Variants in DET1 observed in about 807,000 individuals in gnomAD.
DET1 encodes DET1 homolog.
A neutral mutation model predicts 43.7 loss-of-function variants in DET1; 22 were observed. That is an observed-to-expected ratio of 0.50 (90% confidence interval 0.36 to 0.72). The LOEUF (loss-of-function observed/expected upper bound fraction) is 0.72. Among genes scored for constraint, DET1 ranks in the 30% least tolerant of loss-of-function variants. The pLI is 0.00. For synonymous variants in DET1, 315 were observed against 266.2 expected (o/e 1.18, Z -1.79); for missense variants, 713 against 713.3 (o/e 1.00, Z 0.00).
chr15:88,513,514 T>C (rs1017889764), intron 4 of DET1, among the ~76,000 whole-genome samples: 12 of 151,898 alleles, frequency 7.9e-5, no homozygotes, highest in Non-Finnish European at 1.5e-4. Context: ...CAGGTAGCCA[T>C]ATTAAAAAAA....
At chr15:88,522,375 C>A (rs1223346563) in intron 3 of DET1, among the ~76,000 whole-genome samples, 1 of 151,910 alleles carries the variant, frequency 6.6e-6, no homozygotes, top group Non-Finnish European at 1.5e-5. Context: ...TAGGCAGGTA[C>A]TCTATTTTTT....
In DET1 at chr15:88,541,607, T is replaced by G. The variant is rs370151171; in HGVS notation, c.-11+4933A>C. The stretch of plus-strand genomic sequence containing the variant: ...AAGTAGAATGGCCAAGGTTTGGAGT[T>G]GGGTGGCCCTCTAAAGGATCATTGA... On this transcript the variant is annotated intron_variant, in intron 1 of 4. Transcript: ENST00000268148. 7.0e-4 allele frequency among the ~76,000 whole-genome samples: 106 copies of G among 152,310 alleles called. No homozygotes were observed. In the South Asian group the frequency reaches 0.02, roughly 29 times the overall value.
At chr15:88,524,090 C>T (rs879108387) in intron 3 of DET1, among the ~76,000 whole-genome samples, 5 of 151,572 alleles carry the variant, frequency 3.3e-5, no homozygotes, top group Admixed American at 6.6e-5. Context: ...TCTGCCCCGC[C>T]GCCCCATCTG....
Position 88,530,683 on chromosome 15 carries a change from G to A in DET1, c.1023C>T (p.His341=), listed in dbSNP as rs140822241. Residue 341 remains histidine (H), a synonymous_variant, in exon 2 of 5, where the codon CAC becomes CAT. Transcript: ENST00000268148. ...CCTCACTAGTGTACTTGATAAACAG[G>A]TGGTTTTCATCCAGAAGCTGCATTT... ...MWKMQLLDEN[H]LFIKYTSEDV... 264 of 1,613,942 alleles carry A rather than the reference G, an allele frequency of 1.6e-4. No individual in the cohort carries two copies. The African/African-American group carries it at 3.2e-3, about 19-fold the overall frequency.
In DET1 at chr15:88,516,445, G is replaced by T. The variant is rs148629468; in HGVS notation, c.1463+337C>A. Among the ~76,000 whole-genome samples, 934 of 152,252 alleles carry T rather than the reference G, an allele frequency of 6.1e-3. 10 individuals are homozygous for T. The highest frequency in any genetic ancestry group is 0.02 in the South Asian group (97 of 4,820). ...TGGCGGGATAAAATAATTTGTGTTA[G>T]ATACATAATTATAAAGTCTCAATGT... On this transcript the variant is annotated intron_variant, in intron 4 of 4. Transcript: ENST00000268148. This position sits in a 1 kb window ranked among gnomAD's most constrained non-coding sequence, Gnocchi z 4.4.
chr15:88,524,518 A>G lies in DET1; in HGVS notation c.1271+3081T>C, dbSNP rs1391859886. Among the ~76,000 whole-genome samples the G allele has an allele frequency of 1.2e-4, 18 of 152,354 alleles. No individual in the cohort carries two copies. The East Asian group carries it at 3.5e-3, about 29-fold the overall frequency. ...ACGATGGCGGTTTTGTCGAATAGAA[A>G]AGGGGGAAATGTGGGGAAAAGAAAG... On this transcript the variant is annotated intron_variant, in intron 3 of 4. Coordinates refer to ENST00000268148, the MANE Select transcript of DET1 (RefSeq NM_001144074.3).
At chr15:88,530,057 T>C (rs2056770472) in intron 2 of DET1, among the ~76,000 whole-genome samples, 1 of 152,224 alleles carries the variant, frequency 6.6e-6, no homozygotes, top group Admixed American at 6.5e-5. Context: ...CTACAACCTA[T>C]GTCCCAGCAT....
chr15:88,531,877 G>A lies in DET1; in HGVS notation c.-10-162C>T. On this transcript the variant is annotated intron_variant, in intron 1 of 4. Transcript: ENST00000268148. The surrounding 1 kb of genome is among the most constrained non-coding windows in gnomAD (Gnocchi z 6.2). ...ACTTCCCAGATTATACTGAGTAAGT[G>A]GTCCTAACATTTCTAAGTCTAGAAA... The A allele has an allele frequency of 1.5e-6, 1 of 673,958 alleles. No homozygotes were observed. The highest frequency in any genetic ancestry group is 1.8e-5 in the African/African-American group (1 of 55,294). 41.7% of individuals were successfully genotyped at this position (673,958 alleles called of 1,614,324 possible). A position where few individuals can be genotyped will look rare whatever the true frequency, so the allele number is the denominator to read the frequency against.
chr15:88,538,389 A>G (rs955720071), intron 1 of DET1, among the ~76,000 whole-genome samples: 2 of 150,984 alleles, frequency 1.3e-5, no homozygotes, highest in East Asian at 3.9e-4. Flanking sequence ...AATAGTCATA[A>G]AGCCCCTGCA....
chr15:88,526,569 G>C (rs2056668759), intron 3 of DET1, among the ~76,000 whole-genome samples: 1 of 152,180 alleles, frequency 6.6e-6, no homozygotes, highest in African/African-American at 2.4e-5. Flanking sequence ...CTTTGTGTTG[G>C]TCAGTTTTCC....
intron 1 of DET1, among the ~76,000 whole-genome samples, chr15:88,545,140 T>C (rs959702986): frequency 2.0e-5 from 3 of 152,154 alleles, no homozygotes; most frequent in Non-Finnish European, 4.4e-5. Flanking sequence ...CTTCATTCGG[T>C]AACTCGTGCT....
intron 3 of DET1, among the ~76,000 whole-genome samples, chr15:88,524,976 A>T (rs1019529582): frequency 2.6e-5 from 4 of 152,230 alleles, no homozygotes; most frequent in Admixed American, 6.5e-5. Flanking sequence ...TTTTCAATGT[A>T]TATATACATT....
At chr15:88,508,372 C>T (rs2056164012), downstream of DET1, among the ~76,000 whole-genome samples, 1 of 152,196 alleles carries the variant, frequency 6.6e-6, no homozygotes, top group Non-Finnish European at 1.5e-5. Context: ...GAAATTCACT[C>T]TACATCTGGA....
Position 88,513,081 on chromosome 15 carries a change from C to A in DET1, c.1523G>T (p.Arg508Leu), listed in dbSNP as rs777852532. 3 of 1,613,966 alleles carry A rather than the reference C, an allele frequency of 1.9e-6. No homozygotes were observed. Among genetic ancestry groups the A allele is most frequent in the Non-Finnish European group, 2.5e-6 (3 of 1,179,844 alleles). ...KFEIQAGLLG[R>L]PINHTVRRLV... ...GCGTCGCACTGTGTGGTTGATGGGG[C>A]GGCCCAATAACCCCGCCTGGATCTC... The change falls in exon 5 of 5, where the codon CGC becomes CTC. Residue 508 changes from arginine (R) to leucine (L), a missense_variant. Transcript: ENST00000268148.
rs542419325 is a variant in DET1 at position 88,540,041 on chromosome 15, G to T, written c.-11+6499C>A. ...CTCTCATCTTAAAAATGACCTGAGT[G>T]GTCCCTTTCCCCCTCGTCCCTGCCC... On this transcript the variant is annotated intron_variant, in intron 1 of 4. Transcript: ENST00000268148. Among the ~76,000 whole-genome samples, 40 of 152,186 alleles carry T rather than the reference G, an allele frequency of 2.6e-4. No individual in the cohort carries two copies. In the South Asian group the frequency reaches 7.9e-3, roughly 30 times the overall value.
chr15:88,523,715 GCAGA>G (rs2056570153), intron 3 of DET1, among the ~76,000 whole-genome samples: 2 of 151,946 alleles, frequency 1.3e-5, no homozygotes, highest in Non-Finnish European at 2.9e-5. Context: ...TGCTGGGATT[GCAGA>G]CAGAGTCTCG....
intron 1 of DET1, among the ~76,000 whole-genome samples, chr15:88,536,770 CAA>C (rs58177778): frequency 0.023 from 1,129 of 48,052 alleles, 22 homozygotes; most frequent in African/African-American, 0.091. Context: ...GACTCCATCT[CAA>C]AAAAAAAAAA....
chr15:88,519,996 C>T (rs1332321430), intron 3 of DET1, among the ~76,000 whole-genome samples: 1 of 152,096 alleles, frequency 6.6e-6, no homozygotes, highest in Non-Finnish European at 1.5e-5. Flanking sequence ...CAGAAGATAA[C>T]TTTTTTAAAG....
intron 3 of DET1, among the ~76,000 whole-genome samples, chr15:88,526,591 C>G (rs897671053): frequency 5.3e-5 from 8 of 152,072 alleles, no homozygotes; most frequent in African/African-American, 1.9e-4. Flanking sequence ...AGGGAAGAAT[C>G]TCTAACCTCC....
Sources: allele counts gnomAD v4.1 joint callset (sites outside exome capture counted in the v4.1 genomes callset), GRCh38; gene constraint gnomAD v4.1.1; non-coding constraint Gnocchi (gnomAD v3.1); transcripts MANE v1.5; gene names NCBI Gene and HGNC (gene_info 2026-07-23, HGNC 2026-07-21).